CDK5RAP3: variants seen among roughly 807,000 people sequenced by gnomAD.
The protein encoded by CDK5RAP3 is CDK5 regulatory subunit associated protein 3, also known as CDK5 regulatory subunit-associated protein 3.
CDK5RAP3 carries 58 observed loss-of-function variants against 73.3 expected under a neutral mutation model. That is an observed-to-expected ratio of 0.79 (90% confidence interval 0.64 to 0.98). CDK5RAP3 has a LOEUF of 0.98. CDK5RAP3 is among the 50% of genes least tolerant of loss of function. The probability of loss-of-function intolerance (pLI) is 0.00; values close to 1 mark genes in which losing one functional copy is unlikely to be tolerated. For synonymous variants in CDK5RAP3, 224 were observed against 247.5 expected, an observed-to-expected ratio of 0.91 and a Z score of 0.89; for missense variants, 525 against 615.8, an observed-to-expected ratio of 0.85 and a Z score of 1.56.
chr17:47,973,771 T>C (rs2036324487), intron 3 of CDK5RAP3, 121 bp downstream of exon 3: 5 of 1,348,410 alleles, frequency 3.7e-6, no homozygotes, highest in Non-Finnish European at 5.2e-6. Flanking sequence ...GATTTTTATT[T>C]GAGGTATAGA....
chr17:47,974,252 G>A, intron 4 of CDK5RAP3, 148 bp from the exon 5 acceptor site: 4 of 814,958 alleles, frequency 4.9e-6, no homozygotes, highest in Middle Eastern at 4.6e-4. Flanking sequence ...AAAGTGGGTG[G>A]TCCAGCCAGC....
At chr17:47,978,732 T>A (rs995606341) in intron 10 of CDK5RAP3, 97 bp from the exon 11 acceptor site, 30 of 904,532 alleles carry the variant, frequency 3.3e-5, no homozygotes, top group Non-Finnish European at 4.9e-5. Flanking sequence ...GCACAGTGAG[T>A]CTGTCCGTAT....
chr17:47,981,374 C>T (rs745415845), intron 13 of CDK5RAP3, 40 bp downstream of exon 13: 7 of 1,614,022 alleles, frequency 4.3e-6, no homozygotes, highest in African/African-American at 2.7e-5. Flanking sequence ...GGAGGACTCC[C>T]AGTCTGTGCA....
At chr17:47,968,243 C>A (rs1220544116), upstream of CDK5RAP3, among the ~76,000 whole-genome samples, 1 of 152,012 alleles carries the variant, frequency 6.6e-6, no homozygotes, top group African/African-American at 2.4e-5. Context: ...CTGAAAAGGC[C>A]CTTAATTCAG....
At chr17:47,973,677 G>A (rs1484438160) in intron 3 of CDK5RAP3, 27 bp downstream of exon 3, 2 of 1,611,944 alleles carry the variant, frequency 1.2e-6, no homozygotes, top group African/African-American at 2.7e-5. Context: ...TGTCACTGGA[G>A]TCCCCTCTTT....
Position 47,973,614 on chromosome 17 carries a change from G to A in CDK5RAP3, c.148G>A (p.Glu50Lys). Reference sequence around the variant, plus strand: ...CAATGCTGCCATCCAGGACATGCCAGAGAGCGAAGAGATCGCCCAGCTGCT... The same window carrying A: ...CAATGCTGCCATCCAGGACATGCCAAAGAGCGAAGAGATCGCCCAGCTGCT... Reference protein sequence around the residue: ...KINAAIQDMPESEEIAQLLSG... With the variant: ...KINAAIQDMPKSEEIAQLLSG... Residue 50 changes from glutamate (E) to lysine (K), a missense_variant, in exon 3 of 14, where the codon GAG (glutamate) becomes AAG (lysine). Glu to Lys is a moderately conservative substitution (Grantham distance 56). Transcript: ENST00000338399. The A allele has an allele frequency of 1.2e-6, 2 of 1,614,172 alleles. No individual in the cohort carries two copies. Among genetic ancestry groups the A allele is most frequent in the Non-Finnish European group, 1.7e-6 (2 of 1,180,036 alleles).
intron 3 of CDK5RAP3, 43 bp downstream of exon 3, chr17:47,973,693 G>A: frequency 6.2e-7 from 1 of 1,607,026 alleles, no homozygotes; most frequent in East Asian, 2.2e-5. Flanking sequence ...TCTTTGCTGA[G>A]GTAGTATGTA....
At chr17:47,974,130 A>G (rs1431149971) in intron 4 of CDK5RAP3, 99 bp downstream of exon 4, 3 of 833,846 alleles carry the variant, frequency 3.6e-6, no homozygotes, top group Non-Finnish European at 2.0e-6. Flanking sequence ...GGGGATGCCT[A>G]CATAGAATAT....
intron 1 of CDK5RAP3, 30 bp downstream of exon 1, chr17:47,971,182 G>A: frequency 6.5e-7 from 1 of 1,540,438 alleles, no homozygotes; most frequent in Non-Finnish European, 8.8e-7. Context: ...GTGTGCTGGG[G>A]ACTGGCCGCG....
chr17:47,977,781 G>C (rs767417880), intron 9 of CDK5RAP3, 51 bp from the exon 10 acceptor site: 1 of 1,502,422 alleles, frequency 6.7e-7, no homozygotes, highest in Non-Finnish European at 9.2e-7. Flanking sequence ...CTGGCTCCTT[G>C]GCTCAGGAAA....
chr17:47,980,828 C>T (rs2036536235), intron 12 of CDK5RAP3, 30 bp downstream of exon 12: 2 of 1,598,978 alleles, frequency 1.3e-6, no homozygotes, highest in Non-Finnish European at 1.7e-6. Context: ...CAAGGCTCTG[C>T]CATCTTGAGC....
At position 47,974,408 on chromosome 17, in the gene CDK5RAP3, G is replaced by T. The variant is rs370384148; in HGVS notation, c.294G>T (p.Gln98His). The T allele has an allele frequency of 6.5e-5, 105 of 1,613,894 alleles. No individual in the cohort carries two copies. The highest frequency in any genetic ancestry group is 8.4e-5 in the Non-Finnish European group (99 of 1,179,872). The change falls in exon 5 of 14, where the codon CAG (glutamine) becomes CAT (histidine). Residue 98 changes from glutamine (Q) to histidine (H), a missense_variant. Coordinates refer to ENST00000338399, the MANE Select transcript of CDK5RAP3 (RefSeq NM_176096.3). ...TTTCTGTTCTTACTCAGGATTGGCA[G>T]GAGATTATAGCTCTGTATGAGAAGG... ...RYSSQRMKDW[Q>H]EIIALYEKDN...
At chr17:47,971,465 C>T (rs2036265603) in intron 2 of CDK5RAP3, 58 bp downstream of exon 2, 3 of 1,486,992 alleles carry the variant, frequency 2.0e-6, no homozygotes, top group Non-Finnish European at 2.7e-6. Context: ...GCGTTGCCCC[C>T]TGTGTCCAAT....
At chr17:47,979,182 C>G (rs1249680140) in intron 11 of CDK5RAP3, 1 of 407,048 alleles carries the variant, frequency 2.5e-6, no homozygotes, top group African/African-American at 2.0e-5. Flanking sequence ...AGCTTATATT[C>G]TAATGGGGAA....
chr17:47,974,251 GGTCCA>G, intron 4 of CDK5RAP3, 144 bp from the exon 5 acceptor site: 1 of 800,334 alleles, frequency 1.2e-6, no homozygotes, highest in Non-Finnish European at 2.1e-6. Flanking sequence ...TAAAGTGGGT[GGTCCA>G]GCCAGCAGAG....
At chr17:47,976,562 C>T (rs1598224477) in intron 8 of CDK5RAP3, 150 bp from the exon 9 acceptor site, 1 of 562,654 alleles carries the variant, frequency 1.8e-6, no homozygotes. Flanking sequence ...CAGGATTTTG[C>T]CATATTGCCC....
rs763853681 is a variant in CDK5RAP3, at chr17:47,973,579, G to A, written c.113G>A (p.Arg38His). The change falls in exon 3 of 14, where the codon CGC (arginine) becomes CAC (histidine). Residue 38 changes from arginine (R) to histidine (H), a missense_variant. Physicochemically the swap from Arg to His is conservative, Grantham distance 29. Coordinates refer to ENST00000338399, the MANE Select transcript of CDK5RAP3 (RefSeq NM_176096.3). ...TGGCAGAGTCTGGTGCTGACGATCCGCGAGAAGATCAATGCTGCCATCCAG... is the reference window on the plus strand; with the variant it reads ...TGGCAGAGTCTGGTGCTGACGATCCACGAGAAGATCAATGCTGCCATCCAG... Reference protein sequence around the residue: ...LKWQSLVLTIREKINAAIQDM... With the variant: ...LKWQSLVLTIHEKINAAIQDM... 22 of 1,614,046 alleles carry A rather than the reference G, an allele frequency of 1.4e-5. 1 individual carries two copies. Among genetic ancestry groups the A allele is most frequent in the South Asian group, 2.2e-5 (2 of 91,080 alleles).
chr17:47,971,630 A>G (rs765286091), intron 2 of CDK5RAP3, among the ~76,000 whole-genome samples: 9 of 152,156 alleles, frequency 5.9e-5, no homozygotes, highest in South Asian at 2.1e-4. Context: ...TTAATAACAT[A>G]TGTTATCGTA....
chr17:47,970,817 G>T, upstream of CDK5RAP3: 2 of 1,419,476 alleles, frequency 1.4e-6, no homozygotes, highest in Non-Finnish European at 1.9e-6. Context: ...AGGGGAAGCG[G>T]CTGCCAGGCT....
Sources: allele counts gnomAD v4.1 joint callset (sites outside exome capture counted in the v4.1 genomes callset), GRCh38; gene constraint gnomAD v4.1.1; transcripts MANE v1.5; gene names NCBI Gene and HGNC (gene_info 2026-07-23, HGNC 2026-07-21).